LRRC7: variants seen among roughly 807,000 people sequenced by gnomAD.
The protein encoded by LRRC7 is leucine rich repeat containing 7.
In LRRC7, 23 loss-of-function variants were observed where a neutral mutation model predicts 175.7. The ratio of observed to expected loss-of-function variants is 0.13; its 90% CI spans 0.09 to 0.19. The LOEUF is 0.19. LRRC7 is among the 10% of genes least tolerant of loss of function. LRRC7 has a pLI of 1.00. For missense variants in LRRC7, 1,354 were observed against 1,904.7 expected (o/e 0.71, Z 5.38); for synonymous variants, 685 against 680.9 (o/e 1.01, Z -0.09).
chr1:70,076,685 C>T (rs1662806638), intron 24 of LRRC7, among the ~76,000 whole-genome samples: 1 of 152,114 alleles, frequency 6.6e-6, no homozygotes, highest in South Asian at 2.1e-4. Context: ...TGAAAGTAAA[C>T]TATATTATTT....
At chr1:69,807,573 C>T (rs1395980659) in intron 4 of LRRC7, among the ~76,000 whole-genome samples, 1 of 151,966 alleles carries the variant, frequency 6.6e-6, no homozygotes, top group East Asian at 1.9e-4. Context: ...TTTGGCTGGA[C>T]ATGAAATTCT....
rs528667974 is a variant in LRRC7, at chr1:69,819,487, A to G, written c.422-6261A>G. ...AGACTTATTTTGTGGCCTTGCATATAATCTTCCTGCAGAATATTTCATGTG... is the reference window on the plus strand; with the variant it reads ...AGACTTATTTTGTGGCCTTGCATATGATCTTCCTGCAGAATATTTCATGTG... On this transcript the variant is annotated intron_variant, in intron 4 of 26. Coordinates refer to ENST00000651989, the MANE Select transcript of LRRC7 (RefSeq NM_001370785.2). Among the ~76,000 whole-genome samples the G allele has an allele frequency of 2.6e-4, 40 of 151,608 alleles. No individual in the cohort carries two copies. The East Asian group carries it at 7.2e-3, about 27-fold the overall frequency.
At chr1:69,888,388 C>A (rs966082720) in intron 7 of LRRC7, among the ~76,000 whole-genome samples, 5 of 152,272 alleles carry the variant, frequency 3.3e-5, no homozygotes, top group African/African-American at 7.2e-5. Context: ...TTTCCAGGTG[C>A]GTCCGTCACC....
At chr1:69,985,527 C>T (rs935361960) in intron 9 of LRRC7, among the ~76,000 whole-genome samples, 9 of 152,132 alleles carry the variant, frequency 5.9e-5, no homozygotes, top group Non-Finnish European at 1.2e-4. Context: ...TATACAGTTC[C>T]GTGGTTTTTG....
chr1:69,906,281 A>G (rs1036481279), intron 7 of LRRC7, among the ~76,000 whole-genome samples: 4 of 152,050 alleles, frequency 2.6e-5, no homozygotes, highest in African/African-American at 9.7e-5. Context: ...CCATTTGTCA[A>G]TTTTGGCTTT....
intron 1 of LRRC7, among the ~76,000 whole-genome samples, chr1:69,651,074 CTCTT>C (rs1471027748): frequency 6.6e-6 from 1 of 152,160 alleles, no homozygotes; most frequent in Non-Finnish European, 1.5e-5. Context: ...CGAATGTCAA[CTCTT>C]TCTAATTAGG....
chr1:69,768,413 C>G (rs1335119262), intron 3 of LRRC7, among the ~76,000 whole-genome samples: 1 of 152,110 alleles, frequency 6.6e-6, no homozygotes, highest in Non-Finnish European at 1.5e-5. Context: ...GAAGCTTTTC[C>G]CCATTATCTC....
At chr1:69,578,162 C>A (rs868463397) in intron 1 of LRRC7, among the ~76,000 whole-genome samples, 61 of 151,954 alleles carry the variant, frequency 4.0e-4, no homozygotes, top group Non-Finnish European at 7.5e-4. Context: ...AAAAGAAGAC[C>A]TTTATGCAGC....
chr1:69,669,689 G>A (rs1475099432), intron 1 of LRRC7, among the ~76,000 whole-genome samples: 1 of 152,092 alleles, frequency 6.6e-6, no homozygotes. Context: ...TTTAAGGCCA[G>A]TAAGTTTTAG....
At chr1:69,715,269 A>G (rs1448787148) in intron 2 of LRRC7, among the ~76,000 whole-genome samples, 1 of 152,174 alleles carries the variant, frequency 6.6e-6, no homozygotes. Flanking sequence ...TGTCCCACTG[A>G]TAAATGGAAA....
intron 7 of LRRC7, among the ~76,000 whole-genome samples, chr1:69,896,922 C>T (rs979762860): frequency 1.3e-5 from 2 of 152,090 alleles, no homozygotes; most frequent in African/African-American, 4.8e-5. Context: ...CATTATTTGA[C>T]TTCTACTAGA....
intron 25 of LRRC7, among the ~76,000 whole-genome samples, chr1:70,104,148 A>T (rs1163290381): frequency 6.6e-6 from 1 of 152,210 alleles, no homozygotes; most frequent in Non-Finnish European, 1.5e-5. Flanking sequence ...AAACAGTAGG[A>T]AGTTATTGTT....
At chr1:69,939,037 A>ATATATATATATATATC (rs1557911148) in intron 8 of LRRC7, among the ~76,000 whole-genome samples, 1 of 80,956 alleles carries the variant, frequency 1.2e-5, no homozygotes, top group African/African-American at 3.9e-5. Flanking sequence ...ATATCTATAT[A>ATATATATATATATATC]TATCTATATC....
intron 11 of LRRC7, among the ~76,000 whole-genome samples, chr1:70,004,696 G>A (rs1164800983): frequency 6.6e-6 from 1 of 151,418 alleles, no homozygotes; most frequent in Non-Finnish European, 1.5e-5. Context: ...GCTCACCTTT[G>A]CCAAACAAAT....
chr1:69,936,784 A>G (rs548137483), intron 8 of LRRC7, among the ~76,000 whole-genome samples: 7 of 152,144 alleles, frequency 4.6e-5, no homozygotes, highest in African/African-American at 1.2e-4. Context: ...TGTGTGCTCA[A>G]TGTTTAGCTC....
At chr1:69,768,449 A>G (rs943895786) in intron 3 of LRRC7, among the ~76,000 whole-genome samples, 1 of 152,060 alleles carries the variant, frequency 6.6e-6, no homozygotes, top group Non-Finnish European at 1.5e-5. Context: ...ACCCACTATC[A>G]CCACCACTTA....
intron 24 of LRRC7, among the ~76,000 whole-genome samples, chr1:70,077,432 A>T (rs1662866860): frequency 6.6e-6 from 1 of 152,180 alleles, no homozygotes; most frequent in Non-Finnish European, 1.5e-5. Flanking sequence ...TACTCTTAAA[A>T]GTTAATACAA....
chr1:69,918,217 A>G (rs1467986660), intron 7 of LRRC7, among the ~76,000 whole-genome samples: 3 of 152,154 alleles, frequency 2.0e-5, no homozygotes, highest in South Asian at 2.1e-4. Context: ...ATAGCCCCCT[A>G]TGTCAAAGAA....
At chr1:69,976,803 A>G (rs993631030) in intron 8 of LRRC7, among the ~76,000 whole-genome samples, 3 of 152,076 alleles carry the variant, frequency 2.0e-5, no homozygotes, top group Non-Finnish European at 2.9e-5. Context: ...TCCTCAGTCA[A>G]CTCACTCTAG....
Sources: gnomAD v4.1 joint callset for allele counts (sites outside exome capture counted in the v4.1 genomes callset) on GRCh38, gnomAD v4.1.1 for gene constraint, MANE v1.5 for transcripts, NCBI Gene and HGNC (gene_info 2026-07-23, HGNC 2026-07-21) for gene names.